Variants in METTL16 observed in about 807,000 individuals in gnomAD.
METTL16 encodes the protein methyltransferase 16, RNA N6-adenosine.
A neutral mutation model predicts 57.9 loss-of-function variants in METTL16; 19 were observed. The ratio of observed to expected loss-of-function variants is 0.33; its 90% confidence interval spans 0.23 to 0.48. METTL16 has a LOEUF of 0.48. Among genes scored for constraint, METTL16 ranks in the 20% least tolerant of loss-of-function variants. METTL16 has a pLI of 0.99. For synonymous variants in METTL16, 246 were observed against 255.6 expected (o/e 0.96, Z 0.36); for missense variants, 434 against 691.5 (o/e 0.63, Z 4.18).
In METTL16 at chr17:2,505,534, C is replaced by A. The variant is rs117052070; in HGVS notation, c.1-3203G>T. Among the ~76,000 whole-genome samples, 17 of 151,490 alleles carry A rather than the reference C, an allele frequency of 1.1e-4. No homozygotes were observed. The East Asian group carries it at 3.3e-3, about 29-fold the overall frequency. The stretch of plus-strand genomic sequence containing the variant: ...AAAGTGCTAGGATTATAGTTGTAAG[C>A]CACCACGCCCGGCCAGAACAGCCTT... On this transcript the variant is annotated intron_variant, in intron 1 of 9. Transcript: ENST00000263092.
chr17:2,448,815 A>T (rs1230436527), intron 6 of METTL16, among the ~76,000 whole-genome samples: 3 of 143,322 alleles, frequency 2.1e-5, no homozygotes, highest in African/African-American at 7.7e-5. Context: ...AAAAAAAAAA[A>T]AAAAAAAAAA....
At chr17:2,475,826 G>A (rs974011086) in intron 3 of METTL16, among the ~76,000 whole-genome samples, 12 of 152,226 alleles carry the variant, frequency 7.9e-5, no homozygotes, top group Middle Eastern at 3.2e-3. Flanking sequence ...CAGTTAGGTA[G>A]TGCCCCTTGT....
At chr17:2,452,676 C>T (rs1051573035) in intron 6 of METTL16, among the ~76,000 whole-genome samples, 3 of 152,116 alleles carry the variant, frequency 2.0e-5, no homozygotes, top group Non-Finnish European at 2.9e-5. Context: ...TTGCAGGATT[C>T]GCGCAAATGA....
chr17:2,428,417 G>T (rs1037485802), intron 8 of METTL16, among the ~76,000 whole-genome samples: 1 of 150,418 alleles, frequency 6.6e-6, no homozygotes, highest in African/African-American at 2.4e-5. Flanking sequence ...AGTAGAGATA[G>T]TAAGTGTAAT....
At chr17:2,439,034 G>C (rs2066928261) in intron 7 of METTL16, among the ~76,000 whole-genome samples, 1 of 152,210 alleles carries the variant, frequency 6.6e-6, no homozygotes, top group Non-Finnish European at 1.5e-5. Context: ...CTTTTGCTGA[G>C]AAGTCCTCTG....
chr17:2,432,085 T>C (rs916354798), intron 8 of METTL16, among the ~76,000 whole-genome samples: 6 of 152,100 alleles, frequency 3.9e-5, no homozygotes, highest in Non-Finnish European at 5.9e-5. Flanking sequence ...GCTGGGACTA[T>C]AGGCGCGCAC....
intron 2 of METTL16, among the ~76,000 whole-genome samples, chr17:2,495,374 G>A (rs1567905617): frequency 1.3e-5 from 2 of 151,960 alleles, no homozygotes; most frequent in South Asian, 2.1e-4. Flanking sequence ...GATGAGAGGA[G>A]GTCATTATCA....
chr17:2,441,034 A>T (rs1201775484), intron 7 of METTL16, among the ~76,000 whole-genome samples: 2 of 151,626 alleles, frequency 1.3e-5, no homozygotes, highest in African/African-American at 2.4e-5. Flanking sequence ...AAGAAAAGAT[A>T]TCTGGACTTG....
intron 2 of METTL16, among the ~76,000 whole-genome samples, chr17:2,483,074 G>A (rs937343458): frequency 2.0e-5 from 3 of 148,626 alleles, no homozygotes; most frequent in African/African-American, 4.9e-5. Flanking sequence ...AATGTGAAAT[G>A]AATGTAAATA....
chr17:2,474,034 T>C (rs1173096389), intron 3 of METTL16, among the ~76,000 whole-genome samples: 4 of 152,140 alleles, frequency 2.6e-5, no homozygotes, highest in Admixed American at 1.3e-4. Flanking sequence ...CCTAATTAGA[T>C]CCAACTTCCT....
chr17:2,425,734 T>C (rs2066813142), intron 8 of METTL16, among the ~76,000 whole-genome samples: 1 of 152,022 alleles, frequency 6.6e-6, no homozygotes, highest in Admixed American at 6.6e-5. Context: ...GCACCCAGGC[T>C]GGAGTGCAGT....
At chr17:2,511,289 ACTAC>A (rs776918597) in intron 1 of METTL16, among the ~76,000 whole-genome samples, 2 of 151,514 alleles carry the variant, frequency 1.3e-5, no homozygotes, top group Non-Finnish European at 2.9e-5. Context: ...ACCCTCTTCA[ACTAC>A]CACTCTCTTG....
At chr17:2,488,591 A>T (rs2067360960) in intron 2 of METTL16, among the ~76,000 whole-genome samples, 1 of 152,128 alleles carries the variant, frequency 6.6e-6, no homozygotes, top group Non-Finnish European at 1.5e-5. Context: ...AAAAAAAACA[A>T]AAAAAAGGAA....
At chr17:2,427,496 A>G (rs1308724230) in intron 8 of METTL16, among the ~76,000 whole-genome samples, 1 of 152,130 alleles carries the variant, frequency 6.6e-6, no homozygotes, top group Non-Finnish European at 1.5e-5. Flanking sequence ...AAAAGTAGCT[A>G]TTTTCAGAAA....
Position 2,464,255 on chromosome 17 carries a change from A to G in METTL16, c.681T>C (p.Phe227=). Reference sequence around the variant, plus strand: ...GACTGTCATGGATGATCCTTTTAACAAACTCTAATTCACCTCCTTCTGCCA... The same window carrying G: ...GACTGTCATGGATGATCCTTTTAACGAACTCTAATTCACCTCCTTCTGCCA... The part of the protein sequence containing the change: ...EIMAEGGELE[F]VKRIIHDSLQ... Residue 227 remains phenylalanine (F), a synonymous_variant, in exon 6 of 10, where the codon TTT becomes TTC. Transcript: ENST00000263092. 1.2e-6 allele frequency: 2 copies of G among 1,614,108 alleles called. No homozygotes were observed. Among genetic ancestry groups the G allele is most frequent in the South Asian group, 2.2e-5 (2 of 91,056 alleles).
rs183658822 is a variant in METTL16 at position 2,421,246 on chromosome 17, T to A, written c.889-342A>T. Reference sequence around the variant, plus strand: ...GGTGTATGCCTGTGGTCCCGGCTACTCTGAAAGCAGAGGAGGGAGGATCAT... The same window carrying A: ...GGTGTATGCCTGTGGTCCCGGCTACACTGAAAGCAGAGGAGGGAGGATCAT... On this transcript the variant is annotated intron_variant, in intron 8 of 9. Transcript: ENST00000263092. Among the ~76,000 whole-genome samples, 3 of 152,206 alleles carry A rather than the reference T, an allele frequency of 2.0e-5. No individual in the cohort carries two copies. The East Asian group carries it at 5.8e-4, about 29-fold the overall frequency.
chr17:2,492,912 A>AAAAC (rs1555621100), intron 2 of METTL16, among the ~76,000 whole-genome samples: 5 of 143,326 alleles, frequency 3.5e-5, no homozygotes, highest in African/African-American at 1.3e-4. Flanking sequence ...AAAAAAAAAA[A>AAAAC]AAAACAACAA....
intron 6 of METTL16, among the ~76,000 whole-genome samples, chr17:2,444,064 G>C (rs770120314): frequency 4.2e-5 from 6 of 142,844 alleles, no homozygotes; most frequent in African/African-American, 1.2e-4. Flanking sequence ...GCATATGTTA[G>C]TTAGTTTGAT....
At chr17:2,477,371 C>A in intron 3 of METTL16, 1 of 256,508 alleles carries the variant, frequency 3.9e-6, no homozygotes, top group Non-Finnish European at 7.6e-6. Context: ...ATCCAAAATG[C>A]TTGGGATGAG....
Sources: allele counts gnomAD v4.1 joint callset (sites outside exome capture counted in the v4.1 genomes callset), GRCh38; gene constraint gnomAD v4.1.1; transcripts MANE v1.5; gene names NCBI Gene and HGNC (gene_info 2026-07-23, HGNC 2026-07-21).